The following AP1AR variants were observed in gnomAD, a reference collection of about 807,000 sequenced individuals.
AP1AR encodes AP-1 complex-associated regulatory protein.
AP1AR carries 29 observed loss-of-function variants against 46.3 expected under a neutral mutation model. The ratio of observed to expected loss-of-function variants is 0.63; its 90% confidence interval spans 0.47 to 0.85. AP1AR has a LOEUF of 0.85. Among genes scored for constraint, AP1AR ranks in the 40% least tolerant of loss-of-function variants. AP1AR has a pLI of 0.00. For missense variants in AP1AR, 357 were observed against 356.3 expected, an observed-to-expected ratio of 1.00 and a Z score of -0.02; for synonymous variants, 122 against 122.9, an observed-to-expected ratio of 0.99 and a Z score of 0.05.
intron 4 of AP1AR, among the ~76,000 whole-genome samples, chr4:112,258,657 A>G (rs1325781015): frequency 6.6e-6 from 1 of 152,242 alleles, no homozygotes; most frequent in East Asian, 1.9e-4. Context: ...TAGAAATTTC[A>G]TAAGCAAAGT....
At position 112,268,148 on chromosome 4, in the gene AP1AR, G is replaced by A; in HGVS notation, c.648G>A (p.Met216Ile). 6.4e-7 allele frequency: 1 copy of A among 1,555,596 alleles called. No individual in the cohort carries two copies. Among genetic ancestry groups the A allele is most frequent in the East Asian group, 2.3e-5 (1 of 44,340 alleles). Residue 216 changes from methionine to isoleucine, a missense_variant, in exon 10 of 10, where the codon ATG becomes ATA. Around this residue, in one of 2 missense-constraint regions of AP1AR, gnomAD observed 88 missense variants for 132.7 expected, o/e 0.66. Transcript: ENST00000274000. ...LDLEWEDEEG[M>I]NRMLPMRERS... ...AAAACTCTGTTCAAATCATAGGAAT[G>A]AATAGAATGCTTCCAATGAGAGAAC...
intron 1 of AP1AR, among the ~76,000 whole-genome samples, chr4:112,245,006 A>G (rs1725662234): frequency 6.6e-6 from 1 of 152,182 alleles, no homozygotes; most frequent in Non-Finnish European, 1.5e-5. Flanking sequence ...TAGCAAATGT[A>G]GGAAGCTTTG....
At chr4:112,236,354 A>G (rs1465889246) in intron 1 of AP1AR, among the ~76,000 whole-genome samples, 1 of 151,086 alleles carries the variant, frequency 6.6e-6, no homozygotes, top group Non-Finnish European at 1.5e-5. Context: ...TCCTTTGCTC[A>G]GCAACTTCCA....
rs575928367 is a variant in AP1AR, at chr4:112,271,733, A to T, written c.*3324A>T. On this transcript the variant is annotated 3_prime_UTR_variant, in exon 10 of 10. Transcript: ENST00000274000. ...TTGAAAAGTTAACTTTGAGGTGTTC[A>T]TAAGATATTTGGATGAAGATGTCAA... 6.6e-6 allele frequency among the ~76,000 whole-genome samples: 1 copy of T among 152,216 alleles called. No individual in the cohort carries two copies.
intron 4 of AP1AR, 140 bp from the exon 5 acceptor site, chr4:112,260,626 A>G (rs537524365): frequency 1.3e-5 from 7 of 540,156 alleles, no homozygotes; most frequent in East Asian, 3.0e-5. Context: ...ACTCTTAACA[A>G]TTGAAGTTGT....
At chr4:112,238,351 C>A (rs930789388) in intron 1 of AP1AR, among the ~76,000 whole-genome samples, 7 of 152,140 alleles carry the variant, frequency 4.6e-5, no homozygotes, top group African/African-American at 1.7e-4. Context: ...ACACCACATA[C>A]CCAGATACTT....
chr4:112,232,232 G>A (rs1319140686), intron 1 of AP1AR, 58 bp downstream of exon 1: 3 of 1,249,688 alleles, frequency 2.4e-6, no homozygotes, highest in African/African-American at 1.6e-5. Context: ...GGCCCCCGGC[G>A]GGGAATCCCT....
intron 1 of AP1AR, among the ~76,000 whole-genome samples, chr4:112,238,825 A>G (rs1560601419): frequency 6.6e-6 from 1 of 152,180 alleles, no homozygotes; most frequent in Non-Finnish European, 1.5e-5. Flanking sequence ...TTATCTGTCA[A>G]ACATAACTGT....
rs1487300022 is a variant in AP1AR at position 112,236,149 on chromosome 4, CTATA to C, written c.83+3979_83+3982del. On this transcript the variant is annotated intron_variant, in intron 1 of 9. Transcript: ENST00000274000. ...CTCTTGGATATATTCAATTAAATCTCTATATATTATTTTCAGTCTCTCCTTAAAC... is the reference window on the plus strand; with the variant it reads ...CTCTTGGATATATTCAATTAAATCTCTATTATTTTCAGTCTCTCCTTAAAC... Among the ~76,000 whole-genome samples the C allele has an allele frequency of 4.0e-5, 6 of 151,828 alleles. No individual in the cohort carries two copies. In the East Asian group the frequency reaches 1.2e-3, roughly 30 times the overall value.
chr4:112,257,200 A>T (rs1379680764), intron 3 of AP1AR, among the ~76,000 whole-genome samples: 7 of 152,242 alleles, frequency 4.6e-5, no homozygotes, highest in Non-Finnish European at 1.0e-4. Flanking sequence ...TAAAAAGGAT[A>T]CTTGTTTATA....
chr4:112,245,917 T>C (rs1183540445), intron 1 of AP1AR, among the ~76,000 whole-genome samples: 2 of 152,164 alleles, frequency 1.3e-5, no homozygotes, highest in East Asian at 1.9e-4. Flanking sequence ...GTAATAGATA[T>C]TGCTGCTTTT....
chr4:112,266,530 G>A lies in AP1AR; in HGVS notation c.515-58G>A, dbSNP rs550894360. ...ACAGATAATTGTTACAAAATAAAAC[G>A]GCTGTTGCGGTGGAAGAGTAGATGA... On this transcript the variant is annotated intron_variant, in intron 8 of 9. Coordinates refer to ENST00000274000, the MANE Select transcript of AP1AR (RefSeq NM_018569.6). 57 of 1,510,692 alleles carry A rather than the reference G, an allele frequency of 3.8e-5. No homozygotes were observed. In the African/African-American group the frequency reaches 5.1e-4, roughly 13 times the overall value. 93.6% of individuals were successfully genotyped at this position (1,510,692 alleles called of 1,614,324 possible).
intron 1 of AP1AR, among the ~76,000 whole-genome samples, chr4:112,235,346 T>G (rs1725194313): frequency 1.3e-5 from 2 of 152,230 alleles, no homozygotes; most frequent in African/African-American, 4.8e-5. Flanking sequence ...TTCCACATAG[T>G]GATTCCACTT....
At chr4:112,237,791 G>T (rs766094977) in intron 1 of AP1AR, among the ~76,000 whole-genome samples, 2 of 151,916 alleles carry the variant, frequency 1.3e-5, no homozygotes, top group Non-Finnish European at 2.9e-5. Flanking sequence ...TAGTTTTTTT[G>T]TGAGCTTTCA....
chr4:112,258,011 G>C (rs1198432771), intron 4 of AP1AR, among the ~76,000 whole-genome samples: 1 of 152,068 alleles, frequency 6.6e-6, no homozygotes, highest in Non-Finnish European at 1.5e-5. Context: ...GTGCCCAGAT[G>C]CTTTCCTGTT....
intron 1 of AP1AR, among the ~76,000 whole-genome samples, chr4:112,242,783 A>C (rs899198647): frequency 6.6e-6 from 1 of 152,228 alleles, no homozygotes; most frequent in Non-Finnish European, 1.5e-5. Context: ...GTTAGGGGAC[A>C]AACATCCAAG....
intron 1 of AP1AR, among the ~76,000 whole-genome samples, chr4:112,246,789 A>G (rs966278106): frequency 3.3e-5 from 5 of 152,214 alleles, no homozygotes; most frequent in African/African-American, 1.2e-4. Flanking sequence ...ATCACCTTGG[A>G]ACACTACCAT....
intron 6 of AP1AR, 112 bp from the exon 7 acceptor site, chr4:112,264,897 A>T (rs1726608265): frequency 1.3e-6 from 1 of 786,414 alleles, no homozygotes; most frequent in Non-Finnish European, 2.0e-6. Flanking sequence ...TCAACAAAAT[A>T]ACTTTTTTTT....
intron 8 of AP1AR, among the ~76,000 whole-genome samples, chr4:112,266,244 A>G (rs1234161479): frequency 6.6e-6 from 1 of 151,792 alleles, no homozygotes; most frequent in Non-Finnish European, 1.5e-5. Flanking sequence ...GTTCCTTTTG[A>G]AAATATAGGT....
Sources: gnomAD v4.1 joint callset for allele counts (sites outside exome capture counted in the v4.1 genomes callset) on GRCh38, gnomAD v4.1.1 for gene constraint, gnomAD v4.1.1 regional missense constraint, MANE v1.5 for transcripts, NCBI Gene and HGNC (gene_info 2026-07-23, HGNC 2026-07-21) for gene names.